Variants in MRTFA observed in about 807,000 individuals in gnomAD.
MRTFA encodes myocardin-related transcription factor A.
Under a neutral mutation model 83.5 loss-of-function variants are expected in MRTFA, and 20 were observed. The ratio of observed to expected loss-of-function variants is 0.24; its 90% CI spans 0.17 to 0.35. The LOEUF (loss-of-function observed/expected upper bound fraction) is 0.35, where lower values mean the gene tolerates loss of function less well. MRTFA is among the 10% of genes least tolerant of loss of function. The pLI is 1.00. For missense variants in MRTFA, 1,200 were observed against 1,224.7 expected (o/e 0.98, Z 0.30); for synonymous variants, 659 against 541.2 (o/e 1.22, Z -3.02).
chr22:40,438,474 C>A (rs1450076367), intron 4 of MRTFA, among the ~76,000 whole-genome samples: 2 of 152,196 alleles, frequency 1.3e-5, no homozygotes, highest in Non-Finnish European at 2.9e-5. Flanking sequence ...AACCCAACTT[C>A]TAGAAGAACA....
At chr22:40,415,352 G>A (rs2052656421) in intron 14 of MRTFA, 1 of 152,276 alleles carries the variant, frequency 6.6e-6, no homozygotes, top group African/African-American at 2.4e-5. Context: ...CAGGGACCCA[G>A]GGATTCTCCC....
chr22:40,422,334 G>C (rs1388886382), intron 9 of MRTFA, among the ~76,000 whole-genome samples: 1 of 152,146 alleles, frequency 6.6e-6, no homozygotes, highest in African/African-American at 2.4e-5. Flanking sequence ...CTGGTGAGGT[G>C]ACTGAAGAGA....
chr22:40,472,479 TTTAAG>T (rs928003296), intron 3 of MRTFA, among the ~76,000 whole-genome samples: 2 of 152,260 alleles, frequency 1.3e-5, no homozygotes, highest in African/African-American at 4.8e-5. Context: ...TGATTCAGTT[TTTAAG>T]TTAAAATTTT....
chr22:40,535,710 C>T (rs1474809180), intron 3 of MRTFA, among the ~76,000 whole-genome samples: 2 of 152,132 alleles, frequency 1.3e-5, no homozygotes, highest in Non-Finnish European at 2.9e-5. Flanking sequence ...AACAAGTTTT[C>T]ACAGTTCGGT....
chr22:40,489,533 G>A (rs980230791), intron 3 of MRTFA, among the ~76,000 whole-genome samples: 3 of 151,386 alleles, frequency 2.0e-5, no homozygotes, highest in Admixed American at 6.6e-5. Context: ...GCCTGGTCTC[G>A]AAATGCTGGG....
Position 40,420,494 on chromosome 22 carries a change from C to A in MRTFA, c.1264G>T (p.Ala422Ser). 6.2e-7 allele frequency: 1 copy of A among 1,613,788 alleles called. No homozygotes were observed. The highest frequency in any genetic ancestry group is 1.1e-5 in the South Asian group (1 of 91,088). The change falls in exon 11 of 15, where the codon GCC (alanine) becomes TCC (serine). Residue 422 changes from alanine (A) to serine (S), a missense_variant. Around this residue, in one of 2 missense-constraint regions of MRTFA, gnomAD observed 1,107 missense variants for 1,041.8 expected, o/e 1.06. Transcript: ENST00000355630. ...CGTGCCAGCCCACAGGGCCCAGGGG[C>A]GCCCGAGCTGGAGCTGCTATTGGTA...
chr22:40,632,224 G>GA (rs1036682553), intron 1 of MRTFA, among the ~76,000 whole-genome samples: 10 of 152,030 alleles, frequency 6.6e-5, no homozygotes, highest in African/African-American at 2.4e-4. Flanking sequence ...TAGCCACCTT[G>GA]AAAAAGGATT....
intron 12 of MRTFA, among the ~76,000 whole-genome samples, chr22:40,417,971 C>T (rs2052721966): frequency 6.6e-6 from 1 of 152,156 alleles, no homozygotes; most frequent in Non-Finnish European, 1.5e-5. Flanking sequence ...GCTAGCCTCT[C>T]TGAGGAGAGG....
intron 2 of MRTFA, among the ~76,000 whole-genome samples, chr22:40,567,616 C>A (rs1569332151): frequency 2.0e-5 from 3 of 152,100 alleles, no homozygotes; most frequent in Non-Finnish European, 4.4e-5. Context: ...GGAAAACCTG[C>A]CACAGTAAGA....
At chr22:40,569,518 G>A (rs1008306519) in intron 2 of MRTFA, 1 of 153,720 alleles carries the variant, frequency 6.5e-6, no homozygotes, top group South Asian at 2.1e-4. Context: ...AAGGTCAGGA[G>A]TTCGAGACCA....
At chr22:40,592,380 C>G (rs1204889144) in intron 2 of MRTFA, among the ~76,000 whole-genome samples, 4 of 150,104 alleles carry the variant, frequency 2.7e-5, no homozygotes, top group Non-Finnish European at 5.9e-5. Flanking sequence ...CCCAGGAGGT[C>G]AAGGCTACAG....
At chr22:40,482,060 C>CAA (rs35483565) in intron 3 of MRTFA, among the ~76,000 whole-genome samples, 5 of 99,436 alleles carry the variant, frequency 5.0e-5, no homozygotes, top group African/African-American at 7.4e-5. Flanking sequence ...ACTCCCATCT[C>CAA]AAAAAAAAAA....
intron 3 of MRTFA, among the ~76,000 whole-genome samples, chr22:40,546,007 G>A (rs185024468): frequency 1.3e-5 from 2 of 152,372 alleles, no homozygotes; most frequent in Non-Finnish European, 2.9e-5. Flanking sequence ...GATTACAGGC[G>A]TGAGCCGCCG....
chr22:40,601,447 G>C (rs747876960), intron 1 of MRTFA, among the ~76,000 whole-genome samples: 1 of 152,080 alleles, frequency 6.6e-6, no homozygotes, highest in Non-Finnish European at 1.5e-5. Context: ...AGCTTCAAGC[G>C]ATCCTCCTGC....
chr22:40,423,544 G>C lies in MRTFA; in HGVS notation c.919C>G (p.Leu307Val). Residue 307 changes from leucine (L) to valine (V), a missense_variant, in exon 9 of 15, where the codon CTC (leucine) becomes GTC (valine). This residue lies in a region of MRTFA where 1,107 missense variants were observed against 1,041.8 expected (regional missense o/e 1.06). Transcript: ENST00000355630. ...CACTGGCAGAAATGTACCTTAATGAGTGTGGGGGTGGACTTGGCAGTGGGG... is the reference window on the plus strand; with the variant it reads ...CACTGGCAGAAATGTACCTTAATGACTGTGGGGGTGGACTTGGCAGTGGGG... 1 of 1,556,280 alleles carries C rather than the reference G, an allele frequency of 6.4e-7. No homozygotes were observed. Among genetic ancestry groups the C allele is most frequent in the Non-Finnish European group, 8.7e-7 (1 of 1,148,578 alleles).
intron 3 of MRTFA, among the ~76,000 whole-genome samples, chr22:40,463,888 T>A (rs1485605425): frequency 6.6e-6 from 1 of 152,146 alleles, no homozygotes; most frequent in Non-Finnish European, 1.5e-5. Context: ...GTGAAACAAT[T>A]CAGCTAGATG....
At chr22:40,529,852 A>G (rs1178549165) in intron 3 of MRTFA, among the ~76,000 whole-genome samples, 1 of 152,012 alleles carries the variant, frequency 6.6e-6, no homozygotes, top group Non-Finnish European at 1.5e-5. Flanking sequence ...AGTCTCTTCC[A>G]CCCCAGTCCC....
Position 40,599,504 on chromosome 22 carries a change from A to G in MRTFA, c.-83-4769T>C, listed in dbSNP as rs150888891. On this transcript the variant is annotated intron_variant, in intron 1 of 14. Coordinates refer to ENST00000355630, the MANE Select transcript of MRTFA (RefSeq NM_020831.6). ...AAAATAAACTTCCCACAAAGAAAAA[A>G]AGCAATTTCATAGAATTCTGGGTCT... Among the ~76,000 whole-genome samples, 248 of 152,284 alleles carry G rather than the reference A, an allele frequency of 1.6e-3. 3 individuals carry two copies. Among genetic ancestry groups the G allele is most frequent in the South Asian group, 0.012 (60 of 4,826 alleles).
intron 3 of MRTFA, among the ~76,000 whole-genome samples, chr22:40,539,823 G>T (rs1485944718): frequency 6.6e-6 from 1 of 151,380 alleles, no homozygotes; most frequent in Non-Finnish European, 1.5e-5. Flanking sequence ...TTTTCTTAAC[G>T]TAACTATAAT....
Sources: gnomAD v4.1 joint callset for allele counts (sites outside exome capture counted in the v4.1 genomes callset) on GRCh38, gnomAD v4.1.1 for gene constraint, gnomAD v4.1.1 regional missense constraint, MANE v1.5 for transcripts, NCBI Gene and HGNC (gene_info 2026-07-23, HGNC 2026-07-21) for gene names.